Variants in FOXP1 observed in about 807,000 individuals in gnomAD.
The protein encoded by FOXP1 is forkhead box protein P1.
A neutral mutation model predicts 98.2 loss-of-function variants in FOXP1; 15 were observed. The observed-to-expected ratio is 0.15, with a 90% confidence interval of 0.10 to 0.24. The LOEUF is 0.24. FOXP1 is among the 10% of genes least tolerant of loss of function. FOXP1 has a pLI of 1.00. For missense variants in FOXP1, 633 were observed against 848.5 expected (o/e 0.75, Z 3.15); for synonymous variants, 371 against 314.5 (o/e 1.18, Z -1.90).
chr3:71,125,275 T>C (rs1478115507), intron 6 of FOXP1, among the ~76,000 whole-genome samples: 1 of 152,202 alleles, frequency 6.6e-6, no homozygotes, highest in Non-Finnish European at 1.5e-5. Context: ...TTATGTAATG[T>C]GGTCAAGGTC....
rs190084765 is a variant in FOXP1 at position 71,088,453 on chromosome 3, G to A, written c.282+24083C>T. Among the ~76,000 whole-genome samples the A allele has an allele frequency of 6.1e-5, 9 of 148,500 alleles. No homozygotes were observed. The South Asian group carries it at 6.5e-4, about 11-fold the overall frequency. On this transcript the variant is annotated intron_variant, in intron 7 of 20. Coordinates refer to ENST00000649528, the MANE Select transcript of FOXP1 (RefSeq NM_001349338.3). ...ATGTCCCATAAGAATGTAATCTCCC[G>A]GCTGCTTTCTCTGCTGCTCACTCTA...
chr3:71,185,112 G>A (rs555294341), intron 6 of FOXP1, among the ~76,000 whole-genome samples: 1 of 152,170 alleles, frequency 6.6e-6, no homozygotes, highest in South Asian at 2.1e-4. Context: ...AGAATTGCTT[G>A]AACACGGGAG....
intron 9 of FOXP1, among the ~76,000 whole-genome samples, chr3:71,051,217 T>G (rs1010364816): frequency 1.3e-5 from 2 of 152,190 alleles, no homozygotes; most frequent in Non-Finnish European, 2.9e-5. Flanking sequence ...TTTAGACACT[T>G]TTTAATCTGT....
chr3:71,173,482 T>C (rs527385605), intron 6 of FOXP1, among the ~76,000 whole-genome samples: 1 of 152,130 alleles, frequency 6.6e-6, no homozygotes, highest in South Asian at 2.1e-4. Flanking sequence ...AGCATGATCT[T>C]CTGATGCAAC....
chr3:70,989,772 G>C (rs1193894380), intron 13 of FOXP1, among the ~76,000 whole-genome samples: 2 of 152,142 alleles, frequency 1.3e-5, no homozygotes, highest in African/African-American at 4.8e-5. Context: ...GATATTTACT[G>C]AAGTCTGCTG....
intron 4 of FOXP1, among the ~76,000 whole-genome samples, chr3:71,347,673 G>A (rs1012647437): frequency 6.6e-5 from 10 of 152,090 alleles, no homozygotes; most frequent in Admixed American, 4.6e-4. Context: ...ATCACCTGAG[G>A]TCGGGGGTTC....
chr3:71,413,410 G>GCA (rs375731753), intron 3 of FOXP1, among the ~76,000 whole-genome samples: 1 of 150,080 alleles, frequency 6.7e-6, no homozygotes, highest in Non-Finnish European at 1.5e-5. Context: ...GAGCAGAATG[G>GCA]CACACACACA....
intron 4 of FOXP1, among the ~76,000 whole-genome samples, chr3:71,324,865 A>C (rs2075592247): frequency 6.6e-6 from 1 of 152,194 alleles, no homozygotes; most frequent in Admixed American, 6.5e-5. Context: ...TGTTGGAACA[A>C]AGGGCCATGC....
intron 3 of FOXP1, among the ~76,000 whole-genome samples, chr3:71,492,217 T>TGAGACAGGTG (rs1025430260): frequency 6.6e-6 from 1 of 152,078 alleles, no homozygotes; most frequent in Non-Finnish European, 1.5e-5. Flanking sequence ...TTTAGGAGGC[T>TGAGACAGGTG]GAGACGGGCG....
chr3:71,418,122 TG>T (rs2083358359), intron 3 of FOXP1, among the ~76,000 whole-genome samples: 3 of 140,774 alleles, frequency 2.1e-5, no homozygotes, highest in Admixed American at 2.0e-4. Flanking sequence ...TGTGGGTGTG[TG>T]TGTGTGTGTG....
intron 3 of FOXP1, among the ~76,000 whole-genome samples, chr3:71,417,700 T>C (rs189845127): frequency 6.8e-4 from 104 of 152,266 alleles, no homozygotes; most frequent in African/African-American, 2.2e-3. Context: ...ATCATTTTTA[T>C]TTTTCTATGC....
In FOXP1 at chr3:71,414,706, G is replaced by A. The variant is rs112535690; in HGVS notation, c.-167-55462C>T. ...GGACAAGCGGAGCCCTGGCCTCAAA[G>A]GCACCTCTTAGGAGCCTTGCTGGGA... On this transcript the variant is annotated intron_variant, in intron 3 of 20. Transcript: ENST00000649528. Among the ~76,000 whole-genome samples, 531 of 152,344 alleles carry A rather than the reference G, an allele frequency of 3.5e-3. 4 individuals carry two copies. The highest frequency in any genetic ancestry group is 0.012 in the African/African-American group (513 of 41,588).
chr3:71,353,050 T>C (rs917006959), intron 4 of FOXP1, among the ~76,000 whole-genome samples: 2 of 152,130 alleles, frequency 1.3e-5, no homozygotes, highest in African/African-American at 4.8e-5. Context: ...GCTCTCCTGG[T>C]TGGAATACCC....
At chr3:71,417,051 C>T (rs2083275550) in intron 3 of FOXP1, among the ~76,000 whole-genome samples, 1 of 152,168 alleles carries the variant, frequency 6.6e-6, no homozygotes, top group Admixed American at 6.5e-5. Context: ...ATGTCCAATC[C>T]TATTCGCTGA....
At chr3:71,524,545 A>G (rs2043228424) in intron 2 of FOXP1, among the ~76,000 whole-genome samples, 1 of 151,964 alleles carries the variant, frequency 6.6e-6, no homozygotes, top group South Asian at 2.1e-4. Flanking sequence ...ATCTTAAAAA[A>G]AAAAAAAAAA....
At chr3:71,444,070 C>CAA (rs924629247) in intron 3 of FOXP1, among the ~76,000 whole-genome samples, 1 of 152,192 alleles carries the variant, frequency 6.6e-6, no homozygotes, top group Admixed American at 6.5e-5. Context: ...GACTTTGCCT[C>CAA]AAAGTGATTT....
chr3:71,388,343 T>C (rs923825236), intron 3 of FOXP1, among the ~76,000 whole-genome samples: 3 of 152,246 alleles, frequency 2.0e-5, no homozygotes, highest in Admixed American at 6.5e-5. Context: ...ACTATATAGA[T>C]GGCTTTCTAC....
At chr3:71,015,873 G>C (rs2044389861) in intron 11 of FOXP1, among the ~76,000 whole-genome samples, 1 of 152,196 alleles carries the variant, frequency 6.6e-6, no homozygotes. Flanking sequence ...TGTTAGAAAT[G>C]TACATCTATG....
chr3:71,362,216 G>A (rs921161749), intron 3 of FOXP1, among the ~76,000 whole-genome samples: 3 of 152,166 alleles, frequency 2.0e-5, no homozygotes, highest in Non-Finnish European at 1.5e-5. Flanking sequence ...TCTGTCACCA[G>A]GCTGGAGTGC....
Sources: gnomAD v4.1 joint callset for allele counts (sites outside exome capture counted in the v4.1 genomes callset) on GRCh38, gnomAD v4.1.1 for gene constraint, MANE v1.5 for transcripts, NCBI Gene and HGNC (gene_info 2026-07-23, HGNC 2026-07-21) for gene names.